Variants in INPP4A observed in about 807,000 individuals in gnomAD.
INPP4A encodes inositol polyphosphate-4-phosphatase type I A.
Under a neutral mutation model 119.8 loss-of-function variants are expected in INPP4A, and 33 were observed. The observed-to-expected ratio is 0.28, with a 90% CI of 0.21 to 0.37. The LOEUF is 0.37. Among genes scored for constraint, INPP4A ranks in the 10% least tolerant of loss-of-function variants. INPP4A has a pLI of 1.00. For synonymous variants in INPP4A, 496 were observed against 500.7 expected (o/e 0.99, Z 0.12); for missense variants, 956 against 1,289.9 (o/e 0.74, Z 3.97).
chr2:98,467,451 C>T (rs1675027211), intron 1 of INPP4A, among the ~76,000 whole-genome samples: 1 of 152,194 alleles, frequency 6.6e-6, no homozygotes, highest in East Asian at 1.9e-4. Context: ...ACGCTTTCTC[C>T]TTTCCCCTAT....
In INPP4A at chr2:98,592,880, G is replaced by T. The variant is rs556271209; in HGVS notation, c.*5272G>T. 6.6e-6 allele frequency: 1 copy of T among 152,392 alleles called. No homozygotes were observed. Among genetic ancestry groups the T allele is most frequent in the Non-Finnish European group, 1.5e-5 (1 of 68,200 alleles). The allele number at this position is 152,392 out of a possible 1,614,324, so 9.4% of individuals were successfully genotyped here. On this transcript the variant is annotated 3_prime_UTR_variant, in exon 25 of 25. Coordinates refer to ENST00000409851, the MANE Select transcript of INPP4A (RefSeq NM_001134225.2). ...GGGAAAAGCTGGTGGGGGCTACACC[G>T]TGCTCTGCAGTGTAGTGGGATCCTG...
intron 24 of INPP4A, among the ~76,000 whole-genome samples, chr2:98,586,386 T>C (rs1302548701): frequency 6.6e-6 from 1 of 152,212 alleles, no homozygotes; most frequent in Non-Finnish European, 1.5e-5. Context: ...AATTTGAATT[T>C]TTTAAAAAAT....
At position 98,501,432 on chromosome 2, in the gene INPP4A, A is replaced by G. The variant is rs189973603; in HGVS notation, c.-165-17532A>G. On this transcript the variant is annotated intron_variant, in intron 1 of 24. Coordinates refer to ENST00000409851, the MANE Select transcript of INPP4A (RefSeq NM_001134225.2). ...GTGTCAGTAGTTCAGGAAATACTGT[A>G]GTAGTATCCATGCTAGCTTCGGGAG... 4.6e-5 allele frequency among the ~76,000 whole-genome samples: 7 copies of G among 152,366 alleles called. No homozygotes were observed. In the East Asian group the frequency reaches 1.3e-3, roughly 29 times the overall value.
At chr2:98,551,556 T>C (rs1042182465) in intron 13 of INPP4A, among the ~76,000 whole-genome samples, 3 of 152,312 alleles carry the variant, frequency 2.0e-5, no homozygotes, top group Admixed American at 1.3e-4. Context: ...GGTGGTTTCT[T>C]GATGAACCAC....
At chr2:98,453,905 A>C (rs1210290043) in intron 1 of INPP4A, among the ~76,000 whole-genome samples, 1 of 152,080 alleles carries the variant, frequency 6.6e-6, no homozygotes, top group African/African-American at 2.4e-5. Context: ...TCGGGGGTTC[A>C]AGACCATCCT....
intron 13 of INPP4A, among the ~76,000 whole-genome samples, chr2:98,549,371 C>G (rs1693077117): frequency 6.6e-6 from 1 of 152,178 alleles, no homozygotes; most frequent in South Asian, 2.1e-4. Flanking sequence ...ACTATTACCT[C>G]TTATACAAAT....
At chr2:98,457,833 G>A (rs941444231) in intron 1 of INPP4A, among the ~76,000 whole-genome samples, 4 of 152,026 alleles carry the variant, frequency 2.6e-5, no homozygotes, top group Non-Finnish European at 5.9e-5. Flanking sequence ...ACGGGGTCTC[G>A]CTCTGTTGCC....
rs149718987 is a variant in INPP4A, at chr2:98,484,439, G to A, written c.-165-34525G>A. 2.0e-5 allele frequency among the ~76,000 whole-genome samples: 3 copies of A among 152,208 alleles called. No individual in the cohort carries two copies. The East Asian group carries it at 5.8e-4, about 29-fold the overall frequency. On this transcript the variant is annotated intron_variant, in intron 1 of 24. Transcript: ENST00000409851. ...CAGTTACTTTCCTGATGAGCTCAAA[G>A]TCCAGAATGCAGTCACGTGACTGGG...
At chr2:98,530,986 C>T (rs892716309) in intron 4 of INPP4A, among the ~76,000 whole-genome samples, 5 of 152,294 alleles carry the variant, frequency 3.3e-5, no homozygotes, top group Middle Eastern at 3.4e-3. Flanking sequence ...TGCAGATGGA[C>T]GTCGTCTTGT....
At chr2:98,578,233 C>T (rs551968696) in intron 24 of INPP4A, among the ~76,000 whole-genome samples, 13 of 152,320 alleles carry the variant, frequency 8.5e-5, no homozygotes, top group African/African-American at 2.9e-4. Flanking sequence ...CCCCAGGAGC[C>T]TTGGTGCCAT....
intron 1 of INPP4A, among the ~76,000 whole-genome samples, chr2:98,491,007 G>T (rs1431142064): frequency 6.6e-6 from 1 of 152,126 alleles, no homozygotes; most frequent in Non-Finnish European, 1.5e-5. Context: ...ATAAAATGAG[G>T]TTACTTTTTT....
At chr2:98,529,562 G>A (rs1052809491) in intron 4 of INPP4A, among the ~76,000 whole-genome samples, 1 of 151,958 alleles carries the variant, frequency 6.6e-6, no homozygotes, top group African/African-American at 2.4e-5. Flanking sequence ...GTGAAACCCC[G>A]TCTCTACTAA....
At chr2:98,563,933 GTTTT>G (rs60347668) in intron 18 of INPP4A, among the ~76,000 whole-genome samples, 13 of 125,508 alleles carry the variant, frequency 1.0e-4, no homozygotes, top group Admixed American at 3.3e-4. Context: ...TCTTTGCTGC[GTTTT>G]TTTTTTTTTT....
At chr2:98,538,080 C>A (rs1690669332) in intron 8 of INPP4A, 106 bp downstream of exon 8, 1 of 743,960 alleles carries the variant, frequency 1.3e-6, no homozygotes, top group East Asian at 2.7e-5. Context: ...AAGGGCAGGG[C>A]CTGCTGCTTG....
At position 98,588,144 on chromosome 2, in the gene INPP4A, T is replaced by C. The variant is rs1700121192; in HGVS notation, c.*536T>C. 5 of 211,748 alleles carry C rather than the reference T, an allele frequency of 2.4e-5. No homozygotes were observed. The highest frequency in any genetic ancestry group is 2.3e-5 in the African/African-American group (1 of 44,182). 13.1% of individuals were successfully genotyped at this position (211,748 alleles called of 1,614,324 possible). A position where few individuals can be genotyped will look rare whatever the true frequency, so the allele number is the denominator to read the frequency against. ...GAGAATAACGGGTTCTAGTGAATTA[T>C]CCTATCTACACTACCACCTGAAGAA... On this transcript the variant is annotated 3_prime_UTR_variant, in exon 25 of 25. Transcript: ENST00000409851.
intron 1 of INPP4A, among the ~76,000 whole-genome samples, chr2:98,516,314 A>G (rs569127311): frequency 3.9e-5 from 6 of 152,310 alleles, no homozygotes; most frequent in Admixed American, 2.6e-4. Flanking sequence ...TTTTTGACCT[A>G]AAAGTTTCCG....
At chr2:98,586,704 G>T (rs1310632460) in intron 24 of INPP4A, among the ~76,000 whole-genome samples, 1 of 152,196 alleles carries the variant, frequency 6.6e-6, no homozygotes, top group East Asian at 1.9e-4. Context: ...AGATGCAGCT[G>T]AGGATGACGC....
intron 18 of INPP4A, 31 bp from the exon 19 acceptor site, chr2:98,564,603 ACCTGAC>A (rs1253138691): frequency 6.2e-7 from 1 of 1,611,350 alleles, no homozygotes; most frequent in Non-Finnish European, 8.5e-7. Context: ...GTGAGCAGGC[ACCTGAC>A]CCTGAACCTC....
chr2:98,520,107 C>G lies in INPP4A; in HGVS notation c.59C>G (p.Ala20Gly). 6.4e-7 allele frequency: 1 copy of G among 1,574,638 alleles called. No individual in the cohort carries two copies. The highest frequency in any genetic ancestry group is 8.6e-7 in the Non-Finnish European group (1 of 1,158,734). The change falls in exon 3 of 25, where the codon GCT becomes GGT. Residue 20 changes from alanine to glycine, a missense_variant. Physicochemically the swap from Ala to Gly is moderately conservative, Grantham distance 60 (BLOSUM62 0). Coordinates refer to ENST00000409851, the MANE Select transcript of INPP4A (RefSeq NM_001134225.2). Reference protein sequence around the residue: ...HGARARAMQRASTIDVAADML... With the variant: ...HGARARAMQRGSTIDVAADML... Reference sequence around the variant, plus strand: ...GCCAGGGCCCGTGCAATGCAGCGGGCTTCCACCATCGACGTGGCGGCCGAC... The same window carrying G: ...GCCAGGGCCCGTGCAATGCAGCGGGGTTCCACCATCGACGTGGCGGCCGAC...
Sources: allele counts gnomAD v4.1 joint callset (sites outside exome capture counted in the v4.1 genomes callset), GRCh38; gene constraint gnomAD v4.1.1; transcripts MANE v1.5; gene names NCBI Gene and HGNC (gene_info 2026-07-23, HGNC 2026-07-21).